MAP4K4: variants seen among roughly 807,000 people sequenced by gnomAD.
The protein encoded by MAP4K4 is mitogen-activated protein kinase kinase kinase kinase 4.
A neutral mutation model predicts 189.6 loss-of-function variants in MAP4K4; 38 were observed. That is an observed-to-expected ratio of 0.20 (90% CI 0.15 to 0.26). The LOEUF (loss-of-function observed/expected upper bound fraction) is 0.26. Ranked by LOEUF, MAP4K4 falls within the 10% of genes least tolerant of loss-of-function variation. The probability of loss-of-function intolerance (pLI) is 1.00; values close to 1 mark genes in which losing one functional copy is unlikely to be tolerated. For synonymous variants in MAP4K4, 610 were observed against 624.3 expected (o/e 0.98, Z 0.34); for missense variants, 1,054 against 1,726.9 (o/e 0.61, Z 6.91).
intron 2 of MAP4K4, among the ~76,000 whole-genome samples, chr2:101,730,009 G>C (rs1364926972): frequency 1.3e-5 from 2 of 152,166 alleles, no homozygotes; most frequent in Non-Finnish European, 2.9e-5. Flanking sequence ...CTTCATGAGT[G>C]CTCCAGCATG....
At chr2:101,797,887 T>C (rs1301582429) in intron 3 of MAP4K4, among the ~76,000 whole-genome samples, 2 of 114,756 alleles carry the variant, frequency 1.7e-5, no homozygotes, top group African/African-American at 7.0e-5. Flanking sequence ...AACATTCTTT[T>C]AGTTTTTTTT....
exon 1 of MAP4K4, chr2:101,697,788 C>A (rs1246258675): frequency 6.9e-6 from 1 of 144,994 alleles, no homozygotes; most frequent in Non-Finnish European, 1.5e-5. Flanking sequence ...GGCGCCGGGG[C>A]CTGAGGCGGC....
chr2:101,733,759 T>TCTCCAGGGCTCTCTGG (rs2059385155), intron 2 of MAP4K4, among the ~76,000 whole-genome samples: 1 of 152,310 alleles, frequency 6.6e-6, no homozygotes, highest in Non-Finnish European at 1.5e-5. Context: ...GTGGTTCCCT[T>TCTCCAGGGCTCTCTGG]CTCCAGGGCT....
intron 23 of MAP4K4, among the ~76,000 whole-genome samples, chr2:101,870,822 A>T (rs2097980071): frequency 2.0e-5 from 3 of 152,110 alleles, no homozygotes; most frequent in African/African-American, 7.2e-5. Flanking sequence ...CCACAGTGGG[A>T]GCGGGTGAGG....
chr2:101,888,717 T>C (rs552076685), intron 31 of MAP4K4, 79 bp from the exon 32 acceptor site: 612 of 1,030,910 alleles, frequency 5.9e-4, no homozygotes, highest in Admixed American at 1.1e-3. Flanking sequence ...TATAAAAATA[T>C]ATTTTTATTA....
At chr2:101,818,984 TTGTTTATACTTGTGACC>T (rs1372522260) in intron 3 of MAP4K4, among the ~76,000 whole-genome samples, 43 of 152,330 alleles carry the variant, frequency 2.8e-4, no homozygotes, top group African/African-American at 1.0e-3. Context: ...TGTTTTTCAT[TTGTTTATACTTGTGACC>T]TGCTAAAGAA....
intron 2 of MAP4K4, among the ~76,000 whole-genome samples, chr2:101,778,764 C>T (rs1205092402): frequency 6.6e-6 from 1 of 152,156 alleles, no homozygotes; most frequent in Non-Finnish European, 1.5e-5. Flanking sequence ...TGACCTTCAC[C>T]TACAGGCTGC....
intron 2 of MAP4K4, among the ~76,000 whole-genome samples, chr2:101,714,888 A>G (rs2047577820): frequency 6.6e-6 from 1 of 152,246 alleles, no homozygotes; most frequent in Non-Finnish European, 1.5e-5. Context: ...TAAAAAAACC[A>G]GCTTAAGAAA....
chr2:101,826,519 G>T (rs191243439), intron 5 of MAP4K4, among the ~76,000 whole-genome samples: 26 of 152,232 alleles, frequency 1.7e-4, no homozygotes, highest in Non-Finnish European at 3.5e-4. Flanking sequence ...AGAAAGCAGA[G>T]CCTAAATGTG....
Position 101,836,502 on chromosome 2 carries a change from C to T in MAP4K4, c.773+524C>T, listed in dbSNP as rs183001699. 6.6e-4 allele frequency among the ~76,000 whole-genome samples: 100 copies of T among 151,996 alleles called. 1 individual carries two copies. Among genetic ancestry groups the T allele is most frequent in the African/African-American group, 2.3e-3 (94 of 41,470 alleles). On this transcript the variant is annotated intron_variant, in intron 9 of 32. Transcript: ENST00000324219. ...ACTCGGGAGGCTGAGGCAGGAGAAT[C>T]GCTGGAACCCAGAAGGCAGAGGTTG...
At chr2:101,713,598 A>G (rs2046812381) in intron 2 of MAP4K4, among the ~76,000 whole-genome samples, 1 of 63,982 alleles carries the variant, frequency 1.6e-5, no homozygotes, top group South Asian at 8.1e-4. Flanking sequence ...CCTTGTCTAA[A>G]AAAAAAAAAA....
At chr2:101,794,476 C>T (rs2093430329) in intron 3 of MAP4K4, among the ~76,000 whole-genome samples, 2 of 152,182 alleles carry the variant, frequency 1.3e-5, no homozygotes. Context: ...CATACATCCA[C>T]AGCTGTTGAA....
intron 2 of MAP4K4, among the ~76,000 whole-genome samples, chr2:101,717,958 A>G (rs1407018123): frequency 6.6e-6 from 1 of 152,088 alleles, no homozygotes; most frequent in East Asian, 1.9e-4. Context: ...TGTTATTAAA[A>G]AAAAAAAAGC....
chr2:101,841,581 G>A (rs2096918494), intron 10 of MAP4K4, among the ~76,000 whole-genome samples: 1 of 151,820 alleles, frequency 6.6e-6, no homozygotes, highest in South Asian at 2.1e-4. Context: ...TGATTGTCCT[G>A]CCTCAGCCTG....
intron 2 of MAP4K4, among the ~76,000 whole-genome samples, chr2:101,715,350 A>ATG (rs1559063793): frequency 6.6e-6 from 1 of 152,166 alleles, no homozygotes; most frequent in African/African-American, 2.4e-5. Context: ...GGTACTGGAG[A>ATG]TGAGAGTTTC....
rs372199776 is a variant in MAP4K4, at chr2:101,698,089, C to T, written c.9C>T (p.Asn3=). 5.7e-5 allele frequency: 75 copies of T among 1,324,788 alleles called. No homozygotes were observed. In the African/African-American group the frequency reaches 8.8e-4, roughly 16 times the overall value. The allele number at this position is 1,324,788 out of a possible 1,614,324, so 82.1% of individuals were successfully genotyped here. The change falls in exon 1 of 33, where the codon AAC becomes AAT. Residue 3 remains asparagine (N), a synonymous_variant. Coordinates refer to ENST00000324219, the Ensembl canonical transcript of MAP4K4. ...GGTGGCAAAAAGGGAAAATGGCGAA[C>T]GACTCCCCTGCAAAAAGTCTGGTGG...
chr2:101,770,322 C>G (rs780461842), intron 2 of MAP4K4, among the ~76,000 whole-genome samples: 1 of 144,410 alleles, frequency 6.9e-6, no homozygotes. Flanking sequence ...GATCTTGGCT[C>G]ACTGCAGTCT....
chr2:101,766,535 G>A (rs2078693721), intron 2 of MAP4K4, among the ~76,000 whole-genome samples: 1 of 151,804 alleles, frequency 6.6e-6, no homozygotes, highest in African/African-American at 2.4e-5. Context: ...ATTTGTATTG[G>A]TTGGGTAATT....
At chr2:101,869,630 C>A (rs750583925) in exon 22 of MAP4K4, 15 of 1,609,280 alleles carry the variant, frequency 9.3e-6, no homozygotes, top group Non-Finnish European at 1.3e-5. Flanking sequence ...AGGATCTGAC[C>A]GCACTGGCCA....
Sources: gnomAD v4.1 joint callset for allele counts (sites outside exome capture counted in the v4.1 genomes callset) on GRCh38, gnomAD v4.1.1 for gene constraint, MANE v1.5 for transcripts, NCBI Gene and HGNC (gene_info 2026-07-23, HGNC 2026-07-21) for gene names.